The following ADGRL2 variants were observed in gnomAD, a reference collection of about 807,000 sequenced individuals.
The protein encoded by ADGRL2 is calcium-independent alpha-latrotoxin receptor 2.
In ADGRL2, 44 loss-of-function variants were observed where a neutral mutation model predicts 157.4. That is an observed-to-expected ratio of 0.28 (90% CI 0.22 to 0.36). The LOEUF (loss-of-function observed/expected upper bound fraction) is 0.36, where lower values mean the gene tolerates loss of function less well. Among genes scored for constraint, ADGRL2 ranks in the 10% least tolerant of loss-of-function variants. The pLI, the probability that ADGRL2 is intolerant of heterozygous loss-of-function variation, is 1.00. For missense variants in ADGRL2, 1,510 were observed against 1,768.9 expected (o/e 0.85, Z 2.63); for synonymous variants, 585 against 624.7 (o/e 0.94, Z 0.95).
At chr1:81,830,256 G>T (rs1372373075) in intron 1 of ADGRL2, among the ~76,000 whole-genome samples, 1 of 152,062 alleles carries the variant, frequency 6.6e-6, no homozygotes, top group Non-Finnish European at 1.5e-5. Flanking sequence ...TTTAGCACTG[G>T]ATATCCATTA....
chr1:81,320,773 T>C (rs1358408421), intron 1 of ADGRL2, among the ~76,000 whole-genome samples: 1 of 152,142 alleles, frequency 6.6e-6, no homozygotes, highest in Non-Finnish European at 1.5e-5. Context: ...ACAGACAGAG[T>C]AGATTTAGCA....
rs150316515 is a variant in ADGRL2 at position 81,365,890 on chromosome 1, T to C, written c.-302+59381T>C. On this transcript the variant is annotated intron_variant, in intron 1 of 24. Transcript: ENST00000370721. Reference sequence around the variant, plus strand: ...TTAATTTCTTCAATGAAAAATCGGGTAAAGTATCTGAAAGTGTTGTTTTAA... The same window carrying C: ...TTAATTTCTTCAATGAAAAATCGGGCAAAGTATCTGAAAGTGTTGTTTTAA... Among the ~76,000 whole-genome samples the C allele has an allele frequency of 7.9e-5, 12 of 152,298 alleles. No individual in the cohort carries two copies. In the East Asian group the frequency reaches 2.3e-3, roughly 29 times the overall value.
chr1:81,678,723 A>G (rs937130253), intron 3 of ADGRL2, among the ~76,000 whole-genome samples: 6 of 152,138 alleles, frequency 3.9e-5, no homozygotes, highest in Admixed American at 3.9e-4. Flanking sequence ...CTCCCCTTCT[A>G]TTAAACAGTA....
chr1:81,553,695 C>T (rs139993794), intron 2 of ADGRL2, among the ~76,000 whole-genome samples: 2,111 of 152,246 alleles, frequency 0.014, 47 homozygotes, highest in African/African-American at 0.047. Flanking sequence ...TTCATAAATT[C>T]TGTAAGAATC....
intron 1 of ADGRL2, chr1:81,721,578 A>G: frequency 1.9e-6 from 1 of 513,568 alleles, no homozygotes; most frequent in Non-Finnish European, 3.5e-6. Flanking sequence ...CAACATGGCA[A>G]ACCCCAGTTT....
intron 2 of ADGRL2, among the ~76,000 whole-genome samples, chr1:81,560,632 A>C (rs2080418541): frequency 6.6e-6 from 1 of 152,190 alleles, no homozygotes; most frequent in Non-Finnish European, 1.5e-5. Flanking sequence ...AAACTTTAGA[A>C]TCTTATTATT....
intron 17 of ADGRL2, among the ~76,000 whole-genome samples, chr1:81,973,726 G>A (rs1161437771): frequency 2.0e-5 from 3 of 152,144 alleles, no homozygotes; most frequent in African/African-American, 7.2e-5. Flanking sequence ...GTTGAGATGT[G>A]AATGGCTTTT....
intron 3 of ADGRL2, among the ~76,000 whole-genome samples, chr1:81,675,642 T>G (rs2082971311): frequency 6.6e-6 from 1 of 151,638 alleles, no homozygotes; most frequent in South Asian, 2.1e-4. Context: ...AGTGCAGTGG[T>G]GTGATCTTGG....
intron 2 of ADGRL2, among the ~76,000 whole-genome samples, chr1:81,478,190 G>C (rs2078312507): frequency 6.6e-6 from 1 of 152,132 alleles, no homozygotes; most frequent in South Asian, 2.1e-4. Context: ...GGCAGGAGGA[G>C]TCATTATCTC....
intron 2 of ADGRL2, among the ~76,000 whole-genome samples, chr1:81,492,881 A>G (rs2078662068): frequency 6.6e-6 from 1 of 152,338 alleles, no homozygotes; most frequent in Admixed American, 6.5e-5. Flanking sequence ...ATCCAGAAAC[A>G]TAACAGGAAG....
At chr1:81,929,779 A>G (rs531616315) in intron 3 of ADGRL2, among the ~76,000 whole-genome samples, 10 of 152,240 alleles carry the variant, frequency 6.6e-5, no homozygotes, top group African/African-American at 2.2e-4. Context: ...AAGATTTGCA[A>G]ATCTGTTCAT....
At chr1:81,548,011 G>A (rs527749288) in intron 2 of ADGRL2, among the ~76,000 whole-genome samples, 15 of 152,236 alleles carry the variant, frequency 9.9e-5, no homozygotes, top group South Asian at 8.3e-4. Context: ...CATTTTCAGC[G>A]TAGAAAATCA....
At chr1:81,473,782 GTTT>G (rs71675068) in intron 2 of ADGRL2, among the ~76,000 whole-genome samples, 1 of 148,544 alleles carries the variant, frequency 6.7e-6, no homozygotes, top group South Asian at 2.1e-4. Flanking sequence ...GGGATGTGAG[GTTT>G]TTTTTTTTCC....
At chr1:81,970,993 A>G (rs1658556170) in intron 16 of ADGRL2, among the ~76,000 whole-genome samples, 1 of 152,118 alleles carries the variant, frequency 6.6e-6, no homozygotes, top group Non-Finnish European at 1.5e-5. Flanking sequence ...ATATTGTATC[A>G]GGCAGTTTGA....
At chr1:81,666,414 C>A (rs2082751571) in intron 3 of ADGRL2, among the ~76,000 whole-genome samples, 2 of 152,136 alleles carry the variant, frequency 1.3e-5, no homozygotes, top group African/African-American at 4.8e-5. Flanking sequence ...CTTAATGTAA[C>A]CTTTTCAGCC....
At chr1:81,871,114 G>A (rs900966239) in intron 2 of ADGRL2, among the ~76,000 whole-genome samples, 1 of 124,178 alleles carries the variant, frequency 8.1e-6, no homozygotes, top group Non-Finnish European at 1.6e-5. Context: ...GCCCTGTTGT[G>A]TGATGTTCCC....
At chr1:81,881,337 G>A (rs765777532) in intron 2 of ADGRL2, among the ~76,000 whole-genome samples, 6 of 152,022 alleles carry the variant, frequency 3.9e-5, no homozygotes, top group Admixed American at 1.3e-4. Context: ...CGCCACGCCC[G>A]GCTAATTTTT....
At chr1:81,434,563 AC>A (rs1251707049) in intron 1 of ADGRL2, among the ~76,000 whole-genome samples, 2 of 152,034 alleles carry the variant, frequency 1.3e-5, no homozygotes, top group African/African-American at 4.8e-5. Context: ...AAGTGAATGA[AC>A]CCAGTGAATA....
chr1:81,535,558 A>G (rs2079715069), intron 2 of ADGRL2, among the ~76,000 whole-genome samples: 1 of 152,126 alleles, frequency 6.6e-6, no homozygotes, highest in Non-Finnish European at 1.5e-5. Context: ...AGAAGGGAGG[A>G]GGGGAAGTAG....
Sources: gnomAD v4.1 joint callset for allele counts (sites outside exome capture counted in the v4.1 genomes callset) on GRCh38, gnomAD v4.1.1 for gene constraint, MANE v1.5 for transcripts, NCBI Gene and HGNC (gene_info 2026-07-23, HGNC 2026-07-21) for gene names.